Variants in TMIGD3 observed in about 807,000 individuals in gnomAD.
The protein encoded by TMIGD3 is transmembrane and immunoglobulin domain containing 3.
In TMIGD3, 21 loss-of-function variants were observed where a neutral mutation model predicts 28.1. The observed-to-expected ratio is 0.75, with a 90% confidence interval of 0.53 to 1.08. The LOEUF is 1.08. Ranked by LOEUF, TMIGD3 falls within the 50% of genes least tolerant of loss-of-function variation. The pLI, the probability that TMIGD3 is intolerant of heterozygous loss-of-function variation, is 0.00. For missense variants in TMIGD3, 416 were observed against 435.6 expected (o/e 0.96, Z 0.40); for synonymous variants, 151 against 162.1 (o/e 0.93, Z 0.52).
In TMIGD3 at chr1:111,485,741, C is replaced by T; in HGVS notation, c.972G>A (p.Arg324=). ...CCTCCCTCAACAATAGCTACTTACC[C>T]CTTCTATTCCTTTGACTTCTCCTCC... ...TKRRRSQRNR[R]VGNTLKPFSR... Residue 324 remains arginine (R), a splice_region_variant and synonymous_variant, in exon 5 of 6, where the codon AGG becomes AGA. Transcript: ENST00000369716. The T allele has an allele frequency of 6.3e-7, 1 of 1,579,802 alleles. No homozygotes were observed. Among genetic ancestry groups the T allele is most frequent in the Non-Finnish European group, 8.7e-7 (1 of 1,153,534 alleles).
upstream of TMIGD3, chr1:111,505,135 A>G (rs1655441244): frequency 1.9e-6 from 1 of 531,514 alleles, no homozygotes; most frequent in Non-Finnish European, 2.3e-6. Context: ...AAAAAAAAAA[A>G]AAAAAAAAAA....
intron 1 of TMIGD3, among the ~76,000 whole-genome samples, chr1:111,510,933 C>G (rs1655669136): frequency 6.6e-6 from 1 of 152,152 alleles, no homozygotes; most frequent in African/African-American, 2.4e-5. Flanking sequence ...AATGTCCCCT[C>G]ATTTGAAGTG....
At chr1:111,524,383 T>C (rs1656189885) in intron 1 of TMIGD3, among the ~76,000 whole-genome samples, 1 of 152,094 alleles carries the variant, frequency 6.6e-6, no homozygotes, top group Non-Finnish European at 1.5e-5. Context: ...ACCTTTCTTA[T>C]TCTTTAAAAA....
chr1:111,540,096 G>C (rs962126071), intron 1 of TMIGD3, among the ~76,000 whole-genome samples: 1 of 152,180 alleles, frequency 6.6e-6, no homozygotes, highest in African/African-American at 2.4e-5. Context: ...TAAATAACTT[G>C]ATTACAATTG....
intron 1 of TMIGD3, among the ~76,000 whole-genome samples, chr1:111,541,234 A>G (rs1557842070): frequency 6.6e-6 from 1 of 152,244 alleles, no homozygotes; most frequent in African/African-American, 2.4e-5. Context: ...TTGGATGAAC[A>G]AGTATTTGCT....
At chr1:111,486,478 A>G in intron 4 of TMIGD3, 108 bp downstream of exon 4, 1 of 778,696 alleles carries the variant, frequency 1.3e-6, no homozygotes, top group South Asian at 1.4e-5. Flanking sequence ...AATGTGCAGT[A>G]GAAAAGTTGT....
At chr1:111,516,149 C>T (rs1353355168) in intron 1 of TMIGD3, among the ~76,000 whole-genome samples, 1 of 152,290 alleles carries the variant, frequency 6.6e-6, no homozygotes, top group Non-Finnish European at 1.5e-5. Context: ...AGACGGCCCT[C>T]ACCTCCCAGG....
intron 1 of TMIGD3, among the ~76,000 whole-genome samples, chr1:111,534,527 G>C (rs550781192): frequency 6.6e-6 from 1 of 152,324 alleles, no homozygotes; most frequent in African/African-American, 2.4e-5. Context: ...TACGGTTGCT[G>C]TTTAATTGAT....
chr1:111,483,679 A>G lies in TMIGD3; in HGVS notation c.*8T>C. On this transcript the variant is annotated 3_prime_UTR_variant, in exon 6 of 6. Coordinates refer to ENST00000369716, the MANE Select transcript of TMIGD3 (RefSeq NM_020683.7). ...TCACTTTATGAACTAAATTAAAAAA[A>G]TCTTCAGTCACATCTGTTCAGTAGG... is the stretch of plus-strand genomic sequence containing the variant. 6.2e-7 allele frequency: 1 copy of G among 1,609,426 alleles called. No individual in the cohort carries two copies. Among genetic ancestry groups the G allele is most frequent in the South Asian group, 1.1e-5 (1 of 90,986 alleles).
At chr1:111,511,050 G>A (rs1339005749) in intron 1 of TMIGD3, among the ~76,000 whole-genome samples, 1 of 152,186 alleles carries the variant, frequency 6.6e-6, no homozygotes, top group Non-Finnish European at 1.5e-5. Flanking sequence ...CCCCCAGGAA[G>A]AATGTATTTT....
chr1:111,512,062 G>T (rs1206340820), intron 1 of TMIGD3, among the ~76,000 whole-genome samples: 1 of 152,226 alleles, frequency 6.6e-6, no homozygotes, highest in African/African-American at 2.4e-5. Flanking sequence ...TGGCTCGTTT[G>T]TCACTCTGTC....
chr1:111,490,664 A>G lies in TMIGD3; in HGVS notation c.449T>C (p.Leu150Pro). Residue 150 changes from leucine (L) to proline (P), a missense_variant, in exon 2 of 6, where the codon CTC (leucine) becomes CCC (proline). Leu to Pro is a moderately conservative substitution (Grantham distance 98). Coordinates refer to ENST00000369716, the MANE Select transcript of TMIGD3 (RefSeq NM_020683.7). ...MWLFILLSLA[L>P]ISDAMVMDEK... ...TCCGTCCCCCATCCTACCTGAAATG[A>G]GAGCCAAGGAGAGTAGAATGAAGAG... 6.2e-7 allele frequency: 1 copy of G among 1,612,284 alleles called. No individual in the cohort carries two copies. Among genetic ancestry groups the G allele is most frequent in the South Asian group, 1.1e-5 (1 of 91,032 alleles).
intron 1 of TMIGD3, among the ~76,000 whole-genome samples, chr1:111,549,961 GT>G (rs1193621038): frequency 6.6e-6 from 1 of 152,016 alleles, no homozygotes; most frequent in Non-Finnish European, 1.5e-5. Flanking sequence ...CTTGTTTTGG[GT>G]TTTTTTGTTG....
chr1:111,499,605 A>G, intron 1 of TMIGD3: 1 of 1,087,502 alleles, frequency 9.2e-7, no homozygotes, highest in Non-Finnish European at 1.1e-6. Flanking sequence ...ACACATGTTC[A>G]GCCCAACTGG....
chr1:111,498,801 A>G (rs906689202), intron 1 of TMIGD3, among the ~76,000 whole-genome samples: 1 of 152,238 alleles, frequency 6.6e-6, no homozygotes, highest in Non-Finnish European at 1.5e-5. Flanking sequence ...AGAGTGCTCA[A>G]CAGGCCAGGT....
In TMIGD3 at chr1:111,545,760, T is replaced by C. The variant is rs555956360; in HGVS notation, c.107+18086A>G. On this transcript the variant is annotated intron_variant, in intron 1 of 5. Transcript: ENST00000369717. Reference sequence around the variant, plus strand: ...AAAAGCTTTGTTATTTTAGCTCTTATAGTTAGTTATTTGATCGATTTTTAC... The same window carrying C: ...AAAAGCTTTGTTATTTTAGCTCTTACAGTTAGTTATTTGATCGATTTTTAC... 4.7e-4 allele frequency among the ~76,000 whole-genome samples: 71 copies of C among 152,266 alleles called. 1 individual carries two copies. The South Asian group carries it at 5.6e-3, about 12-fold the overall frequency.
intron 1 of TMIGD3, among the ~76,000 whole-genome samples, chr1:111,539,330 G>C (rs1012396876): frequency 2.0e-5 from 3 of 151,948 alleles, no homozygotes; most frequent in Admixed American, 1.3e-4. Flanking sequence ...ACGGAGTCTC[G>C]CTCTGTCGCC....
chr1:111,505,584 G>A (rs550952081), upstream of TMIGD3, among the ~76,000 whole-genome samples: 98 of 152,314 alleles, frequency 6.4e-4, 1 homozygote, highest in African/African-American at 1.9e-3. Flanking sequence ...GAACCTGACC[G>A]TAGATTGAAA....
chr1:111,563,815 C>T (rs1392816933), intron 1 of TMIGD3: 2 of 1,579,514 alleles, frequency 1.3e-6, no homozygotes, highest in Non-Finnish European at 1.7e-6. Flanking sequence ...ACCTCTGCCT[C>T]CCAGCAGCTA....
Sources: allele counts gnomAD v4.1 joint callset (sites outside exome capture counted in the v4.1 genomes callset), GRCh38; gene constraint gnomAD v4.1.1; transcripts MANE v1.5; gene names NCBI Gene and HGNC (gene_info 2026-07-23, HGNC 2026-07-21).